The following CREB5 variants were observed in gnomAD, a reference collection of about 807,000 sequenced individuals.
CREB5 encodes cyclic AMP-responsive element-binding protein 5.
In CREB5, 19 loss-of-function variants were observed where a neutral mutation model predicts 57.1. That is an observed-to-expected ratio of 0.33 (90% CI 0.23 to 0.49). The LOEUF is 0.49. Among genes scored for constraint, CREB5 ranks in the 20% least tolerant of loss-of-function variants. The probability of loss-of-function intolerance (pLI) is 0.99; values close to 1 mark genes in which losing one functional copy is unlikely to be tolerated. For synonymous variants in CREB5, 238 were observed against 238.3 expected (o/e 1.00, Z 0.01); for missense variants, 579 against 671.6 (o/e 0.86, Z 1.52).
intron 5 of CREB5, among the ~76,000 whole-genome samples, chr7:28,592,051 A>G (rs1347706281): frequency 6.6e-6 from 1 of 152,212 alleles, no homozygotes; most frequent in African/African-American, 2.4e-5. Context: ...CCTTTAAGTT[A>G]GTCTTATCAG....
intron 1 of CREB5, among the ~76,000 whole-genome samples, chr7:28,448,980 G>A (rs1398445961): frequency 6.6e-6 from 1 of 152,198 alleles, no homozygotes; most frequent in African/African-American, 2.4e-5. Context: ...TGATGAGGTA[G>A]AAATGAAACT....
intron 1 of CREB5, among the ~76,000 whole-genome samples, chr7:28,432,001 C>CT (rs1372888499): frequency 5.7e-5 from 5 of 87,616 alleles, no homozygotes; most frequent in Non-Finnish European, 7.2e-5. Flanking sequence ...TTTTTTTTTG[C>CT]TTTTTTTTGG....
intron 5 of CREB5, among the ~76,000 whole-genome samples, chr7:28,657,180 G>A (rs1287406927): frequency 6.6e-6 from 1 of 152,132 alleles, no homozygotes; most frequent in Non-Finnish European, 1.5e-5. Context: ...CATGGTGGAT[G>A]TAGTTGTAAA....
intron 5 of CREB5, among the ~76,000 whole-genome samples, chr7:28,599,748 TG>T (rs1796838517): frequency 3.7e-4 from 1 of 2,698 alleles, no homozygotes; most frequent in Non-Finnish European, 0.031. Flanking sequence ...TGTTTTGTTT[TG>T]TTTTGTTTTT....
intron 3 of CREB5, among the ~76,000 whole-genome samples, chr7:28,499,396 G>A (rs1303329169): frequency 6.6e-6 from 1 of 152,094 alleles, no homozygotes; most frequent in African/African-American, 2.4e-5. Context: ...GGCTGTGTGT[G>A]CACATGTGTC....
chr7:28,764,096 C>A (rs888751353), intron 7 of CREB5, among the ~76,000 whole-genome samples: 5 of 152,092 alleles, frequency 3.3e-5, no homozygotes, highest in African/African-American at 9.7e-5. Flanking sequence ...AGCCACCATG[C>A]CTGGCCTAAG....
intron 1 of CREB5, among the ~76,000 whole-genome samples, chr7:28,368,510 C>T (rs12154233): frequency 6.6e-6 from 1 of 152,198 alleles, no homozygotes. Context: ...TGCTGTCTTG[C>T]TAACAGAACT....
At chr7:28,373,953 T>G (rs1786769313) in intron 1 of CREB5, among the ~76,000 whole-genome samples, 1 of 151,388 alleles carries the variant, frequency 6.6e-6, no homozygotes, top group East Asian at 1.9e-4. Context: ...ATAAACACTT[T>G]TATGCCCGGC....
intron 5 of CREB5, among the ~76,000 whole-genome samples, chr7:28,635,469 T>C (rs541034734): frequency 6.6e-6 from 1 of 152,348 alleles, no homozygotes; most frequent in South Asian, 2.1e-4. Flanking sequence ...AAGCACTTAA[T>C]ATGTGCTTAA....
intron 5 of CREB5, among the ~76,000 whole-genome samples, chr7:28,670,906 G>A (rs2128718967): frequency 6.6e-6 from 1 of 152,192 alleles, no homozygotes; most frequent in South Asian, 2.1e-4. Flanking sequence ...ATGTTGCCTA[G>A]GCTGGTCTCG....
intron 7 of CREB5, among the ~76,000 whole-genome samples, chr7:28,790,455 AG>A (rs1562642958): frequency 8.3e-4 from 29 of 34,910 alleles, no homozygotes; most frequent in Middle Eastern, 0.014. Context: ...AGAGAGAGAG[AG>A]AGAGATAGAG....
At chr7:28,793,518 G>A (rs1023945454) in intron 7 of CREB5, among the ~76,000 whole-genome samples, 9 of 152,212 alleles carry the variant, frequency 5.9e-5, no homozygotes, top group East Asian at 1.9e-4. Flanking sequence ...ACATGTGTTG[G>A]GAGAAGGTTC....
chr7:28,342,389 C>T (rs773779759), intron 1 of CREB5, among the ~76,000 whole-genome samples: 7 of 152,062 alleles, frequency 4.6e-5, no homozygotes, highest in Non-Finnish European at 1.0e-4. Flanking sequence ...ATATCAACTT[C>T]ATTGATTCAG....
chr7:28,771,244 A>G (rs1050386502), intron 7 of CREB5, among the ~76,000 whole-genome samples: 61 of 152,200 alleles, frequency 4.0e-4, no homozygotes, highest in African/African-American at 1.5e-3. Flanking sequence ...GTAAGCAGAG[A>G]GAAAAAAATG....
At chr7:28,331,491 G>A (rs1785715597) in intron 1 of CREB5, among the ~76,000 whole-genome samples, 1 of 152,108 alleles carries the variant, frequency 6.6e-6, no homozygotes, top group African/African-American at 2.4e-5. Flanking sequence ...GGTCTAATGG[G>A]AACTACTACA....
intron 1 of CREB5, among the ~76,000 whole-genome samples, chr7:28,343,996 G>A (rs1054485523): frequency 4.7e-5 from 7 of 149,616 alleles, no homozygotes; most frequent in African/African-American, 1.5e-4. Context: ...TCATTTGTAT[G>A]TCTTCTTTAG....
chr7:28,491,096 G>T, intron 2 of CREB5: 1 of 487,666 alleles, frequency 2.1e-6, no homozygotes, highest in Non-Finnish European at 2.7e-6. Flanking sequence ...GTGAGTGGGT[G>T]GTGAGGAAGC....
intron 5 of CREB5, among the ~76,000 whole-genome samples, chr7:28,659,050 A>T (rs1261601146): frequency 1.3e-5 from 2 of 149,472 alleles, no homozygotes; most frequent in Admixed American, 6.7e-5. Context: ...GAGAATGAAT[A>T]CTTTATTTGG....
rs1167219401 is a variant in CREB5, at chr7:28,819,942, CTGTTT to C, written c.*665_*669del. On this transcript the variant is annotated 3_prime_UTR_variant, in exon 11 of 11. Transcript: ENST00000357727. ...ATTTACTATTCATTTTGACTTCCTT[CTGTTT>C]TATTTTTTTCCCTTTAGCATTGCAT... 6.6e-6 allele frequency: 1 copy of C among 150,530 alleles called. No individual in the cohort carries two copies. The highest frequency in any genetic ancestry group is 1.5e-5 in the Non-Finnish European group (1 of 67,718). 9.3% of individuals were successfully genotyped at this position (150,530 alleles called of 1,614,324 possible).
Sources: gnomAD v4.1 joint callset for allele counts (sites outside exome capture counted in the v4.1 genomes callset) on GRCh38, gnomAD v4.1.1 for gene constraint, MANE v1.5 for transcripts, NCBI Gene and HGNC (gene_info 2026-07-23, HGNC 2026-07-21) for gene names.